Variants in UPP2 observed in about 807,000 individuals in gnomAD.
UPP2 encodes the protein UPase 2.
Under a neutral mutation model 26.7 loss-of-function variants are expected in UPP2, and 23 were observed. The observed-to-expected ratio is 0.86, with a 90% confidence interval of 0.62 to 1.22. UPP2 has a LOEUF of 1.22. Ranked by LOEUF, UPP2 falls within the 50% of genes most tolerant of loss-of-function variation. The probability of loss-of-function intolerance (pLI) is 0.00; values close to 1 mark genes in which losing one functional copy is unlikely to be tolerated. For missense variants in UPP2, 387 were observed against 396.7 expected (o/e 0.98, Z 0.21); for synonymous variants, 127 against 141.3 (o/e 0.90, Z 0.72).
Position 158,116,496 on chromosome 2 carries a change from G to A in UPP2, c.339+1237G>A, listed in dbSNP as rs529445393. On this transcript the variant is annotated intron_variant, in intron 3 of 6. Transcript: ENST00000005756. The stretch of plus-strand genomic sequence containing the variant: ...AGACCTGAAATATGTGTGATGCCAA[G>A]GTTACCAATTAGAAATGGGCCTTAC... Among the ~76,000 whole-genome samples, 4 of 152,258 alleles carry A rather than the reference G, an allele frequency of 2.6e-5. No individual in the cohort carries two copies. In the South Asian group the frequency reaches 8.3e-4, roughly 32 times the overall value.
rs375661054 is a variant in UPP2 at position 158,061,539 on chromosome 2, A to G, written c.148-40501A>G. ...GGAAACTGTAGCTTATTTTCTTTAA[A>G]TAATAGATTTAAACTTCCTCCTGAG... On this transcript the variant is annotated intron_variant, in intron 3 of 9. Coordinates refer to the UPP2 transcript ENST00000605860. Among the ~76,000 whole-genome samples, 3 of 152,220 alleles carry G rather than the reference A, an allele frequency of 2.0e-5. No individual in the cohort carries two copies. In the South Asian group the frequency reaches 6.2e-4, roughly 32 times the overall value.
At chr2:158,115,044 G>T in intron 2 of UPP2, 57 bp from the exon 3 acceptor site, 1 of 1,489,654 alleles carries the variant, frequency 6.7e-7, no homozygotes, top group South Asian at 1.4e-5. Context: ...AGTTGAAACT[G>T]ACCCGTGGTT....
intron 2 of UPP2, among the ~76,000 whole-genome samples, chr2:158,004,978 T>G (rs1683466808): frequency 1.3e-5 from 2 of 152,202 alleles, no homozygotes; most frequent in South Asian, 4.1e-4. Flanking sequence ...AGAAGATTGT[T>G]TTGATTTACA....
At chr2:158,061,679 C>G (rs1167761008) in intron 3 of UPP2, among the ~76,000 whole-genome samples, 2 of 152,220 alleles carry the variant, frequency 1.3e-5, no homozygotes, top group Non-Finnish European at 2.9e-5. Flanking sequence ...TAAACAGTTT[C>G]TTCTAGATCA....
In UPP2 at chr2:158,125,579, G is replaced by T. The variant is rs181358775; in HGVS notation, c.811+1684G>T. ...TGGAATTACAAGCTTGTGCCACCAT[G>T]CCCGGCTAACTTTTGTATTTTCAGT... On this transcript the variant is annotated intron_variant, in intron 6 of 6. Coordinates refer to ENST00000005756, the MANE Select transcript of UPP2 (RefSeq NM_173355.4). Among the ~76,000 whole-genome samples the T allele has an allele frequency of 6.4e-4, 97 of 152,082 alleles. 2 individuals are homozygous for T. Among genetic ancestry groups the T allele is most frequent in the African/African-American group, 2.1e-3 (88 of 41,484 alleles).
chr2:158,072,232 A>G (rs1241342817), intron 3 of UPP2, among the ~76,000 whole-genome samples: 2 of 151,640 alleles, frequency 1.3e-5, no homozygotes, highest in Non-Finnish European at 2.9e-5. Context: ...CCACTGGGAG[A>G]GCCTCCTCTG....
At chr2:158,101,672 T>C (rs2105210143), upstream of UPP2, among the ~76,000 whole-genome samples, 1 of 152,272 alleles carries the variant, frequency 6.6e-6, no homozygotes, top group South Asian at 2.1e-4. Context: ...TCAAAGCAAA[T>C]AAGCCTGTTT....
At chr2:157,996,932 A>G (rs2105459693) in intron 2 of UPP2, among the ~76,000 whole-genome samples, 1 of 152,354 alleles carries the variant, frequency 6.6e-6, no homozygotes, top group East Asian at 1.9e-4. Context: ...AATTCTTTTC[A>G]CTGATTGCTT....
chr2:158,105,816 T>C (rs1249001673), intron 1 of UPP2, among the ~76,000 whole-genome samples: 1 of 152,242 alleles, frequency 6.6e-6, no homozygotes, highest in African/African-American at 2.4e-5. Context: ...TCTGTAAGCC[T>C]TGGCTTCTTT....
chr2:158,054,807 T>C (rs890013597), intron 3 of UPP2, among the ~76,000 whole-genome samples: 1 of 152,234 alleles, frequency 6.6e-6, no homozygotes, highest in East Asian at 1.9e-4. Flanking sequence ...ACACAAAACA[T>C]AAAACTTGCT....
At chr2:158,015,836 G>C (rs760309285) in exon 3 of UPP2, 4 of 453,200 alleles carry the variant, frequency 8.8e-6, no homozygotes, top group Admixed American at 4.7e-5. Flanking sequence ...CACCATGATT[G>C]TAAGTGTCCT....
intron 6 of UPP2, among the ~76,000 whole-genome samples, chr2:158,133,222 A>G (rs1683861389): frequency 6.6e-6 from 1 of 152,364 alleles, no homozygotes; most frequent in East Asian, 1.9e-4. Context: ...TTGCAACAAC[A>G]TGGATGAATT....
At chr2:158,123,199 G>A (rs552110869) in intron 5 of UPP2, among the ~76,000 whole-genome samples, 1 of 152,256 alleles carries the variant, frequency 6.6e-6, no homozygotes, top group South Asian at 2.1e-4. Flanking sequence ...AACACTGGGA[G>A]CAGCCTGGAA....
intron 5 of UPP2, 121 bp from the exon 6 acceptor site, chr2:158,123,628 C>A (rs769810449): frequency 8.5e-7 from 1 of 1,179,786 alleles, no homozygotes; most frequent in Non-Finnish European, 1.2e-6. Flanking sequence ...TTATCCTACA[C>A]GGGGAGCACG....
intron 3 of UPP2, among the ~76,000 whole-genome samples, chr2:158,076,257 T>C (rs1020215118): frequency 1.3e-5 from 2 of 151,958 alleles, no homozygotes; most frequent in Non-Finnish European, 2.9e-5. Context: ...GAAGAATTAA[T>C]ACCAACTTTA....
chr2:158,046,014 C>A (rs1278585851), intron 3 of UPP2, among the ~76,000 whole-genome samples: 4 of 152,128 alleles, frequency 2.6e-5, no homozygotes, highest in African/African-American at 9.7e-5. Context: ...TCCAATCTGC[C>A]CTATAGCCCC....
At chr2:158,069,890 C>T (rs1682510668) in intron 3 of UPP2, among the ~76,000 whole-genome samples, 1 of 152,112 alleles carries the variant, frequency 6.6e-6, no homozygotes, top group Non-Finnish European at 1.5e-5. Context: ...GGCCTTCTTC[C>T]AACAAGAAGA....
upstream of UPP2, among the ~76,000 whole-genome samples, chr2:158,101,536 G>C (rs183834794): frequency 1.3e-5 from 2 of 152,330 alleles, no homozygotes; most frequent in Non-Finnish European, 1.5e-5. Context: ...CGAGGGGCTG[G>C]ATGGAGATGG....
intron 6 of UPP2, among the ~76,000 whole-genome samples, chr2:158,128,825 C>A (rs753870358): frequency 6.6e-6 from 1 of 151,164 alleles, no homozygotes; most frequent in Non-Finnish European, 1.5e-5. Context: ...CACAAGCAAA[C>A]CCTAAGGGCT....
Sources: allele counts gnomAD v4.1 joint callset (sites outside exome capture counted in the v4.1 genomes callset), GRCh38; gene constraint gnomAD v4.1.1; transcripts MANE v1.5; gene names NCBI Gene and HGNC (gene_info 2026-07-23, HGNC 2026-07-21).